Variants in TJP1 observed in about 807,000 individuals in gnomAD.
The protein encoded by TJP1 is tight junction protein 1.
TJP1 carries 43 observed loss-of-function variants against 194.2 expected under a neutral mutation model. The ratio of observed to expected loss-of-function variants is 0.22; its 90% CI spans 0.17 to 0.29. The LOEUF is 0.29. Ranked by LOEUF, TJP1 falls within the 10% of genes least tolerant of loss-of-function variation. The pLI, the probability that TJP1 is intolerant of heterozygous loss-of-function variation, is 1.00. For missense variants in TJP1, 1,971 were observed against 2,185.7 expected (o/e 0.90, Z 1.96); for synonymous variants, 801 against 779.0 (o/e 1.03, Z -0.47).
intron 2 of TJP1, among the ~76,000 whole-genome samples, chr15:29,864,260 A>C (rs1248232545): frequency 6.7e-6 from 1 of 148,362 alleles, no homozygotes; most frequent in Non-Finnish European, 1.5e-5. Flanking sequence ...AAAAAAAAAA[A>C]AAAAGCTGGG....
chr15:29,882,907 C>A (rs2052989322), intron 2 of TJP1, among the ~76,000 whole-genome samples: 1 of 152,188 alleles, frequency 6.6e-6, no homozygotes, highest in Admixed American at 6.5e-5. Flanking sequence ...CCAGACATTT[C>A]CCTTCGTCTT....
chr15:29,787,139 A>T (rs1436974175), intron 2 of TJP1, among the ~76,000 whole-genome samples: 1 of 152,192 alleles, frequency 6.6e-6, no homozygotes, highest in Non-Finnish European at 1.5e-5. Context: ...TATAATTCAT[A>T]TATCATAAAT....
chr15:29,966,994 T>G (rs921928221), intron 1 of TJP1, among the ~76,000 whole-genome samples: 3 of 151,836 alleles, frequency 2.0e-5, no homozygotes, highest in Non-Finnish European at 4.4e-5. Context: ...GTGTTGTCAC[T>G]TGCTGTTCAT....
Position 29,822,466 on chromosome 15 carries a change from C to A in TJP1, c.-438G>T. The A allele has an allele frequency of 6.1e-6, 6 of 985,852 alleles. No individual in the cohort carries two copies. The highest frequency in any genetic ancestry group is 7.2e-6 in the Non-Finnish European group (6 of 830,384). The allele number at this position is 985,852 out of a possible 1,614,324, so 61.1% of individuals were successfully genotyped here. A position where few individuals can be genotyped will look rare whatever the true frequency, so the allele number is the denominator to read the frequency against. On this transcript the variant is annotated 5_prime_UTR_variant, in exon 1 of 28. Coordinates refer to ENST00000614355, the MANE Select transcript of TJP1 (RefSeq NM_001330239.4). ...CAGCCGGCGCCGGCAACTCAGCGGC[C>A]ACGCAAACCTGCCGGCCCGGCCCAC...
rs531132941 is a variant in TJP1 at position 29,881,442 on chromosome 15, T to C, written c.306+74790A>G. ...TGTTTCCTTTGTTGATGTGTCCCTT[T>C]TGGAGACAGGCAGTCCATTGTGGTA... is the stretch of plus-strand genomic sequence containing the variant. On this transcript the variant is annotated intron_variant, in intron 2 of 28. Coordinates refer to the TJP1 transcript ENST00000356107. Among the ~76,000 whole-genome samples, 9 of 152,354 alleles carry C rather than the reference T, an allele frequency of 5.9e-5. No individual in the cohort carries two copies. The East Asian group carries it at 1.7e-3, about 29-fold the overall frequency.
intron 2 of TJP1, among the ~76,000 whole-genome samples, chr15:29,785,221 A>G (rs1243845670): frequency 6.6e-6 from 1 of 152,230 alleles, no homozygotes; most frequent in Non-Finnish European, 1.5e-5. Context: ...TTAAGCAACC[A>G]TGAGCAGCAA....
intron 2 of TJP1, among the ~76,000 whole-genome samples, chr15:29,917,549 C>T (rs1479393913): frequency 6.6e-6 from 1 of 152,146 alleles, no homozygotes; most frequent in African/African-American, 2.4e-5. Context: ...ATAGCAGAGG[C>T]TACAGAGGGG....
chr15:29,769,074 A>G (rs1353048495), intron 4 of TJP1, among the ~76,000 whole-genome samples: 1 of 152,218 alleles, frequency 6.6e-6, no homozygotes, highest in Non-Finnish European at 1.5e-5. Flanking sequence ...CAACAAACAC[A>G]AACAACTTAC....
upstream of TJP1, chr15:29,822,546 C>G (rs1450177346): frequency 5.5e-6 from 3 of 542,228 alleles, no homozygotes; most frequent in African/African-American, 2.1e-5. Flanking sequence ...CGAGGCGAGG[C>G]GGGGAGGGGG....
intron 2 of TJP1, among the ~76,000 whole-genome samples, chr15:29,927,493 G>T (rs373459700): frequency 2.0e-4 from 31 of 152,038 alleles, no homozygotes; most frequent in African/African-American, 6.3e-4. Context: ...GAGGTTAAGA[G>T]AAAAAGAGGA....
At chr15:29,894,838 G>A (rs1223377193) in intron 2 of TJP1, among the ~76,000 whole-genome samples, 2 of 152,224 alleles carry the variant, frequency 1.3e-5, no homozygotes, top group Admixed American at 6.5e-5. Context: ...CACTGCCTGG[G>A]GGCTGACAAG....
At chr15:29,726,571 T>C (rs552458772) in intron 17 of TJP1, 92 bp from the exon 18 acceptor site, 2 of 1,306,878 alleles carry the variant, frequency 1.5e-6, no homozygotes, top group African/African-American at 2.9e-5. Context: ...TCGTCATTAC[T>C]GAAAGATGGT....
chr15:29,852,447 G>A (rs2051678202), intron 2 of TJP1, among the ~76,000 whole-genome samples: 1 of 152,200 alleles, frequency 6.6e-6, no homozygotes, highest in South Asian at 2.1e-4. Context: ...TACCTATTTG[G>A]TGACAGCACC....
At chr15:29,733,461 T>G in intron 12 of TJP1, 148 bp from the exon 13 acceptor site, 1 of 652,040 alleles carries the variant, frequency 1.5e-6, no homozygotes, top group Non-Finnish European at 2.6e-6. Flanking sequence ...ATTTCATGTA[T>G]TCATCACTGT....
At chr15:29,795,092 T>C (rs568951458) in intron 2 of TJP1, among the ~76,000 whole-genome samples, 1 of 152,224 alleles carries the variant, frequency 6.6e-6, no homozygotes, top group Non-Finnish European at 1.5e-5. Flanking sequence ...TACTCATAAT[T>C]TTAACAACTT....
intron 1 of TJP1, among the ~76,000 whole-genome samples, chr15:29,816,140 G>A (rs2049901361): frequency 6.6e-6 from 1 of 151,868 alleles, no homozygotes; most frequent in African/African-American, 2.4e-5. Flanking sequence ...TGATTCTCCT[G>A]CCTCAGCCTC....
At chr15:29,745,716 T>C (rs779903946) in intron 8 of TJP1, among the ~76,000 whole-genome samples, 20 of 152,300 alleles carry the variant, frequency 1.3e-4, no homozygotes, top group Non-Finnish European at 1.9e-4. Flanking sequence ...GGTACGAAGG[T>C]GCTTACTGCC....
At chr15:29,962,818 T>G (rs1225574162) in intron 1 of TJP1, among the ~76,000 whole-genome samples, 1 of 152,198 alleles carries the variant, frequency 6.6e-6, no homozygotes, top group Admixed American at 6.5e-5. Context: ...AAAAATAATG[T>G]GCACAACTGC....
Position 29,949,517 on chromosome 15 carries a change from TCCA to T in TJP1, c.306+6712_306+6714del, listed in dbSNP as rs2055497492. On this transcript the variant is annotated intron_variant, in intron 2 of 28. Coordinates refer to the TJP1 transcript ENST00000356107. Reference sequence around the variant, plus strand: ...CACCTCCACAACCACCACCTCCACCTCCACCACCACCACCTCCACCACCACCAC... The same window carrying T: ...CACCTCCACAACCACCACCTCCACCTCCACCACCACCTCCACCACCACCAC... Among the ~76,000 whole-genome samples the T allele has an allele frequency of 4.3e-4, 9 of 20,762 alleles. No individual in the cohort carries two copies. In the East Asian group the frequency reaches 6.6e-3, roughly 15 times the overall value. 13.6% of individuals were successfully genotyped at this position (20,762 alleles called of 152,430 possible). A position where few individuals can be genotyped will look rare whatever the true frequency, so the allele number is the denominator to read the frequency against.
Sources: gnomAD v4.1 joint callset for allele counts (sites outside exome capture counted in the v4.1 genomes callset) on GRCh38, gnomAD v4.1.1 for gene constraint, MANE v1.5 for transcripts, NCBI Gene and HGNC (gene_info 2026-07-23, HGNC 2026-07-21) for gene names.